Variants in CCDC14 observed in about 807,000 individuals in gnomAD.
CCDC14 encodes the protein coiled-coil domain containing 14.
Under a neutral mutation model 81.4 loss-of-function variants are expected in CCDC14, and 71 were observed. The observed-to-expected ratio is 0.87, with a 90% CI of 0.72 to 1.06. The LOEUF is 1.06. CCDC14 is among the 50% of genes least tolerant of loss of function. CCDC14 has a pLI of 0.00. For synonymous variants in CCDC14, 332 were observed against 364.8 expected (o/e 0.91, Z 1.03); for missense variants, 1,046 against 1,047.3 (o/e 1.00, Z 0.02).
At chr3:123,907,378 A>G (rs1462764802) in intron 5 of CCDC14, among the ~76,000 whole-genome samples, 1 of 152,114 alleles carries the variant, frequency 6.6e-6, no homozygotes, top group African/African-American at 2.4e-5. Flanking sequence ...TGTAAAGCCC[A>G]TGGATCCTCT....
rs1306330277 is a variant in CCDC14 at position 123,914,952 on chromosome 3, T to C, written c.2545A>G (p.Thr849Ala). 1 of 1,614,024 alleles carries C rather than the reference T, an allele frequency of 6.2e-7. No homozygotes were observed. Among genetic ancestry groups the C allele is most frequent in the Non-Finnish European group, 8.5e-7 (1 of 1,179,888 alleles). The change falls in exon 13 of 13, where the codon ACT becomes GCT. Residue 849 changes from threonine (T) to alanine (A), a missense_variant. Coordinates refer to ENST00000409697, the MANE Select transcript of CCDC14 (RefSeq NM_001366335.1). The part of the protein sequence containing the change: ...LSNSLQVKGN[T>A]VCDGSVFTSD... ...GTGAAAACACTACCATCACAGACAG[T>C]ATTGCCTTTCACTTGAAGGCTGTTG...
chr3:123,897,280 T>G (rs2034079728), downstream of CCDC14: 1 of 152,750 alleles, frequency 6.5e-6, no homozygotes, highest in African/African-American at 2.4e-5. Context: ...CCTAAGTAAC[T>G]TTGATTGAGA....
intron 5 of CCDC14, among the ~76,000 whole-genome samples, chr3:123,903,743 T>C (rs1056808363): frequency 1.3e-5 from 2 of 152,184 alleles, no homozygotes; most frequent in African/African-American, 4.8e-5. Flanking sequence ...GACTTTAGAT[T>C]GTGATTTAAT....
At chr3:123,944,816 T>C (rs1407696231) in intron 9 of CCDC14, 33 bp downstream of exon 9, 2 of 1,580,952 alleles carry the variant, frequency 1.3e-6, no homozygotes, top group Non-Finnish European at 1.7e-6. Context: ...CATCTTTGCA[T>C]ACAGACAAAA....
chr3:123,887,605 G>C, the CCDC14 span, among the ~76,000 whole-genome samples: 7 of 152,146 alleles, frequency 4.6e-5, no homozygotes, highest in Non-Finnish European at 8.8e-5. Context: ...CCCTCTTTCT[G>C]GTTTGTAGAC....
rs1333775396 is a variant in CCDC14, at chr3:123,948,929, G to T, written c.556C>A (p.Pro186Thr). 6.2e-7 allele frequency: 1 copy of T among 1,613,922 alleles called. No homozygotes were observed. Among genetic ancestry groups the T allele is most frequent in the Admixed American group, 1.7e-5 (1 of 60,026 alleles). Residue 186 changes from proline (P) to threonine (T), a missense_variant, in exon 6 of 13, where the codon CCT becomes ACT. Coordinates refer to ENST00000409697, the MANE Select transcript of CCDC14 (RefSeq NM_001366335.1). ...GAGGGAGCATGGCATGGTACAGCAG[G>T]AATTCCATTAGGGATGTTCTTTGAA... Reference protein sequence around the residue: ...LTSKNIPNGIPAVPCHAPSHS... With the variant: ...LTSKNIPNGITAVPCHAPSHS...
intron 5 of CCDC14, among the ~76,000 whole-genome samples, chr3:123,905,130 A>G (rs141896819): frequency 4.8e-4 from 73 of 152,332 alleles, no homozygotes; most frequent in African/African-American, 1.8e-3. Context: ...CTAGTCTTTC[A>G]GAACCCACCA....
At chr3:123,896,202 G>A (rs1213696105), downstream of CCDC14, among the ~76,000 whole-genome samples, 4 of 152,236 alleles carry the variant, frequency 2.6e-5, no homozygotes, top group African/African-American at 9.6e-5. Context: ...GGTTATCATG[G>A]GAGTGGTGGC....
At chr3:123,911,056 G>A (rs149058936), downstream of CCDC14, among the ~76,000 whole-genome samples, 721 of 152,292 alleles carry the variant, frequency 4.7e-3, 2 homozygotes, top group Non-Finnish European at 8.0e-3. Context: ...GCAAAAGGCC[G>A]TCCAGGTAAA....
In CCDC14 at chr3:123,914,166, CAAAT is replaced by C. The variant is rs2034528325; in HGVS notation, c.*609_*612del. The C allele has an allele frequency of 6.1e-6, 6 of 985,008 alleles. No individual in the cohort carries two copies. In the South Asian group the frequency reaches 2.8e-4, roughly 46 times the overall value. 61.0% of individuals were successfully genotyped at this position (985,008 alleles called of 1,614,324 possible). On this transcript the variant is annotated 3_prime_UTR_variant, in exon 13 of 13. Coordinates refer to ENST00000409697, the MANE Select transcript of CCDC14 (RefSeq NM_001366335.1). ...TTAAAACATGAATTTGGGATAAAAA[CAAAT>C]AAAAGTGCCCAAGTTTTAAGAAGCC...
intron 12 of CCDC14, chr3:123,930,622 G>A (rs1017653123): frequency 6.6e-6 from 1 of 152,526 alleles, no homozygotes; most frequent in South Asian, 2.1e-4. Context: ...AATGCTGAAA[G>A]AGGCTGACTT....
intron 9 of CCDC14, among the ~76,000 whole-genome samples, chr3:123,936,784 C>A (rs2036080088): frequency 1.3e-5 from 2 of 151,960 alleles, no homozygotes; most frequent in Non-Finnish European, 2.9e-5. Flanking sequence ...GTATAACAAA[C>A]CTCCTGTGAC....
At chr3:123,946,283 A>C (rs1048500601) in intron 8 of CCDC14, among the ~76,000 whole-genome samples, 2 of 152,090 alleles carry the variant, frequency 1.3e-5, no homozygotes, top group Non-Finnish European at 2.9e-5. Context: ...AATGAATAGA[A>C]TCTGGCTCAG....
At chr3:123,918,551 G>C (rs1309973672) in intron 12 of CCDC14, among the ~76,000 whole-genome samples, 2 of 152,122 alleles carry the variant, frequency 1.3e-5, no homozygotes, top group African/African-American at 4.8e-5. Flanking sequence ...GAGAAAAGCT[G>C]CATTACAGGG....
the CCDC14 span, among the ~76,000 whole-genome samples, chr3:123,892,151 A>G: frequency 6.6e-6 from 1 of 152,246 alleles, no homozygotes; most frequent in Non-Finnish European, 1.5e-5. Context: ...CATGAGAATT[A>G]TGGAAGCTAT....
chr3:123,905,572 A>C (rs533118895), intron 5 of CCDC14, among the ~76,000 whole-genome samples: 1 of 152,338 alleles, frequency 6.6e-6, no homozygotes, highest in African/African-American at 2.4e-5. Flanking sequence ...TACAGGAAAC[A>C]GGGAATGATC....
chr3:123,921,458 G>C (rs1405019892), intron 12 of CCDC14, among the ~76,000 whole-genome samples: 1 of 152,142 alleles, frequency 6.6e-6, no homozygotes, highest in Non-Finnish European at 1.5e-5. Context: ...TAATGATAAA[G>C]GCATCAATCT....
rs542479997 is a variant in CCDC14, at chr3:123,944,456, G to A, written c.1343+393C>T. The stretch of plus-strand genomic sequence containing the variant: ...ATAAAATGGAGGCAGTCTGGATCCT[G>A]AGTCACATGATGAAAGAGCCACCAA... On this transcript the variant is annotated intron_variant, in intron 9 of 12. Transcript: ENST00000409697. Among the ~76,000 whole-genome samples, 3 of 152,212 alleles carry A rather than the reference G, an allele frequency of 2.0e-5. No homozygotes were observed. The East Asian group carries it at 5.8e-4, about 29-fold the overall frequency.
At chr3:123,905,146 A>G (rs1271905739) in intron 5 of CCDC14, among the ~76,000 whole-genome samples, 1 of 152,174 alleles carries the variant, frequency 6.6e-6, no homozygotes, top group Non-Finnish European at 1.5e-5. Flanking sequence ...CACCATGGTA[A>G]TGTTACAGAA....
Sources: allele counts gnomAD v4.1 joint callset (sites outside exome capture counted in the v4.1 genomes callset), GRCh38; gene constraint gnomAD v4.1.1; transcripts MANE v1.5; gene names NCBI Gene and HGNC (gene_info 2026-07-23, HGNC 2026-07-21).